Variants in DPP10 observed in about 807,000 individuals in gnomAD.
DPP10 encodes the protein dipeptidyl peptidase like 10, also known as inactive dipeptidyl peptidase 10.
In DPP10, 33 loss-of-function variants were observed where a neutral mutation model predicts 120.9. The observed-to-expected ratio is 0.27, with a 90% CI of 0.21 to 0.37. The LOEUF is 0.37. Among genes scored for constraint, DPP10 ranks in the 10% least tolerant of loss-of-function variants. The probability of loss-of-function intolerance (pLI) is 1.00; values close to 1 mark genes in which losing one functional copy is unlikely to be tolerated. For missense variants in DPP10, 816 were observed against 942.8 expected (o/e 0.87, Z 1.76); for synonymous variants, 337 against 326.1 (o/e 1.03, Z -0.36).
At chr2:114,501,416 T>G (rs960955784) in intron 1 of DPP10, among the ~76,000 whole-genome samples, 1 of 152,188 alleles carries the variant, frequency 6.6e-6, no homozygotes, top group Non-Finnish European at 1.5e-5. Flanking sequence ...GAATATATTT[T>G]TAAAAAATTA....
chr2:115,224,571 G>T (rs185828035), intron 1 of DPP10, among the ~76,000 whole-genome samples: 1 of 152,048 alleles, frequency 6.6e-6, no homozygotes, highest in South Asian at 2.1e-4. Flanking sequence ...TAAAATTTCA[G>T]TTAGAGGAAT....
chr2:114,919,057 C>T (rs1432926107), intron 1 of DPP10, among the ~76,000 whole-genome samples: 1 of 140,766 alleles, frequency 7.1e-6, no homozygotes, highest in Non-Finnish European at 1.5e-5. Flanking sequence ...AAAAAAAAGA[C>T]CTTTCTGATG....
intron 1 of DPP10, among the ~76,000 whole-genome samples, chr2:115,279,649 C>CTTT (rs2060068274): frequency 1.6e-4 from 8 of 50,024 alleles, no homozygotes; most frequent in South Asian, 6.5e-4. Context: ...TTCTTTTTTT[C>CTTT]TTCTTCTTTT....
chr2:114,597,496 T>C (rs1214056839), intron 1 of DPP10, among the ~76,000 whole-genome samples: 1 of 152,034 alleles, frequency 6.6e-6, no homozygotes, highest in East Asian at 1.9e-4. Flanking sequence ...CAATGACATA[T>C]TCAGTAGATC....
At chr2:114,853,805 T>C (rs1436863656) in intron 1 of DPP10, among the ~76,000 whole-genome samples, 1 of 152,144 alleles carries the variant, frequency 6.6e-6, no homozygotes, top group East Asian at 1.9e-4. Flanking sequence ...TACTGAGTCC[T>C]CCAGCAGCCA....
chr2:114,873,272 C>T (rs990068576), intron 1 of DPP10, among the ~76,000 whole-genome samples: 9 of 151,934 alleles, frequency 5.9e-5, no homozygotes, highest in Admixed American at 6.6e-5. Context: ...TGGCTGGCAC[C>T]GTAACTAGAT....
At chr2:115,162,196 T>G (rs1218527715) in intron 1 of DPP10, 1 of 1,551,920 alleles carries the variant, frequency 6.4e-7, no homozygotes, top group African/African-American at 1.4e-5. Context: ...CTGCGGGAAG[T>G]TAGAGCCTCT....
intron 1 of DPP10, among the ~76,000 whole-genome samples, chr2:114,569,488 A>C (rs1482102073): frequency 6.6e-6 from 1 of 152,152 alleles, no homozygotes; most frequent in Non-Finnish European, 1.5e-5. Flanking sequence ...GATAGGTGGG[A>C]GCTATTTTTA....
chr2:115,791,399 T>C (rs750062210), intron 19 of DPP10, 43 bp downstream of exon 19: 3 of 1,519,714 alleles, frequency 2.0e-6, no homozygotes, highest in Non-Finnish European at 2.7e-6. Flanking sequence ...ATCTAAAGAT[T>C]TTATATTTTT....
intron 1 of DPP10, among the ~76,000 whole-genome samples, chr2:114,942,221 C>G (rs907147951): frequency 7.5e-5 from 11 of 146,566 alleles, no homozygotes; most frequent in Non-Finnish European, 1.6e-4. Context: ...AGCAGGGAGC[C>G]AAGATGGTGC....
intron 1 of DPP10, among the ~76,000 whole-genome samples, chr2:115,010,508 G>T (rs980416866): frequency 6.6e-6 from 1 of 151,876 alleles, no homozygotes; most frequent in Non-Finnish European, 1.5e-5. Context: ...ATGAATGAAT[G>T]GAAAATTAAA....
At chr2:115,703,243 G>A (rs572411294) in intron 7 of DPP10, among the ~76,000 whole-genome samples, 1 of 151,826 alleles carries the variant, frequency 6.6e-6, no homozygotes. Context: ...TTGTGATTTA[G>A]GGAGAGTTGA....
At position 115,468,958 on chromosome 2, in the gene DPP10, T is replaced by C. The variant is rs1574937913; in HGVS notation, c.272-30552T>C. ...TCTTAAGCTGTTCTTTCATAGATAC[T>C]TTTTTTTTTTTTTTCCTCCTGAGAC... On this transcript the variant is annotated intron_variant, in intron 3 of 25. Transcript: ENST00000410059. 2.4e-4 allele frequency: 3 copies of C among 12,562 alleles called. No homozygotes were observed. The Non-Finnish European group carries it at 2.9e-3, about 12-fold the overall frequency. The allele number at this position is 12,562 out of a possible 1,614,324, so 0.8% of individuals were successfully genotyped here. A position where few individuals can be genotyped will look rare whatever the true frequency, so the allele number is the denominator to read the frequency against.
At chr2:115,818,650 A>G (rs12468733) in intron 21 of DPP10, among the ~76,000 whole-genome samples, 20,589 of 152,136 alleles carry the variant, frequency 0.14, 1,548 homozygotes, top group African/African-American at 0.19. Context: ...GTTGACTGTT[A>G]TTAGAAGAAT....
intron 1 of DPP10, among the ~76,000 whole-genome samples, chr2:115,120,118 G>T (rs1012928432): frequency 1.3e-5 from 2 of 152,330 alleles, no homozygotes; most frequent in African/African-American, 2.4e-5. Flanking sequence ...GAGTCAATTT[G>T]TTGTTGCATA....
intron 11 of DPP10, among the ~76,000 whole-genome samples, chr2:115,757,860 G>A (rs1039406433): frequency 6.6e-6 from 1 of 151,898 alleles, no homozygotes; most frequent in African/African-American, 2.4e-5. Flanking sequence ...ACCAATTCAC[G>A]ATAACTTTCA....
At chr2:114,838,864 T>A (rs962361513) in intron 1 of DPP10, among the ~76,000 whole-genome samples, 4 of 152,182 alleles carry the variant, frequency 2.6e-5, no homozygotes, top group African/African-American at 7.2e-5. Context: ...CTATTCTTTA[T>A]CTCATTTTTA....
intron 1 of DPP10, among the ~76,000 whole-genome samples, chr2:115,248,677 G>T (rs1178336477): frequency 1.3e-5 from 2 of 152,108 alleles, no homozygotes; most frequent in African/African-American, 4.8e-5. Flanking sequence ...ACTGATAATG[G>T]AAAGGAAGAG....
At chr2:114,980,900 C>G (rs936251978) in intron 1 of DPP10, among the ~76,000 whole-genome samples, 1 of 151,554 alleles carries the variant, frequency 6.6e-6, no homozygotes, top group Non-Finnish European at 1.5e-5. Context: ...GTTTTATACT[C>G]CATAGTATAG....
Sources: gnomAD v4.1 joint callset for allele counts (sites outside exome capture counted in the v4.1 genomes callset) on GRCh38, gnomAD v4.1.1 for gene constraint, MANE v1.5 for transcripts, NCBI Gene and HGNC (gene_info 2026-07-23, HGNC 2026-07-21) for gene names.